ARHGAP35: variants seen among roughly 807,000 people sequenced by gnomAD.
The protein encoded by ARHGAP35 is Rho GTPase activating protein 35.
ARHGAP35 carries 15 observed loss-of-function variants against 111.1 expected under a neutral mutation model. The ratio of observed to expected loss-of-function variants is 0.13; its 90% CI spans 0.09 to 0.21. The LOEUF (loss-of-function observed/expected upper bound fraction) is 0.21. Among genes scored for constraint, ARHGAP35 ranks in the 10% least tolerant of loss-of-function variants. The pLI is 1.00. For synonymous variants in ARHGAP35, 643 were observed against 710.3 expected, an observed-to-expected ratio of 0.91 and a Z score of 1.51; for missense variants, 1,262 against 1,873.0, an observed-to-expected ratio of 0.67 and a Z score of 6.02.
rs77080634 is a variant in ARHGAP35, at chr19:46,945,647, A to T, written c.3826+8239A>T. ...ACACCTGCCCACCCGGGACGGTCTC[A>T]GCGTTCTGGAGACAGAATCCTAGTG... is the stretch of plus-strand genomic sequence containing the variant. On this transcript the variant is annotated intron_variant, in intron 3 of 6. Coordinates refer to ENST00000672722, the MANE Select transcript of ARHGAP35 (RefSeq NM_004491.5). This position sits in a 1 kb window ranked among gnomAD's most constrained non-coding sequence, Gnocchi z 4.1. Among the ~76,000 whole-genome samples the T allele has an allele frequency of 3.3e-5, 5 of 152,292 alleles. No homozygotes were observed. In the East Asian group the frequency reaches 9.7e-4, roughly 29 times the overall value.
chr19:46,942,997 T>G (rs904157401), intron 3 of ARHGAP35, among the ~76,000 whole-genome samples: 2 of 152,132 alleles, frequency 1.3e-5, no homozygotes, highest in African/African-American at 4.8e-5. Flanking sequence ...TTTAGGCCCT[T>G]GCCGTCCAGA....
intron 3 of ARHGAP35, among the ~76,000 whole-genome samples, chr19:46,938,777 C>T (rs539186914): frequency 1.4e-4 from 22 of 151,986 alleles, no homozygotes; most frequent in African/African-American, 5.1e-4. Context: ...CCTGCCTCAG[C>T]CTCCTGAGTA....
In ARHGAP35 at chr19:47,002,803, C is replaced by CT. The variant is rs1317458939; in HGVS notation, c.*2119dup. ...ACTGCTTGAGCTAACACTGCCACCT[C>CT]TTTTGTGTGAGCACAAAAGCCACGT... On this transcript the variant is annotated 3_prime_UTR_variant, in exon 7 of 7. Coordinates refer to ENST00000672722, the MANE Select transcript of ARHGAP35 (RefSeq NM_004491.5). The CT allele has an allele frequency of 6.6e-6, 1 of 152,312 alleles. No individual in the cohort carries two copies. The highest frequency in any genetic ancestry group is 1.5e-5 in the Non-Finnish European group (1 of 68,126). 9.4% of individuals were successfully genotyped at this position (152,312 alleles called of 1,614,324 possible).
chr19:46,881,756 G>T (rs2055963521), intron 1 of ARHGAP35, among the ~76,000 whole-genome samples: 1 of 152,196 alleles, frequency 6.6e-6, no homozygotes, highest in South Asian at 2.1e-4. Flanking sequence ...AGCCTGTCCT[G>T]TGGAGCTTTG....
At chr19:46,861,798 T>C (rs1487877526) in intron 1 of ARHGAP35, among the ~76,000 whole-genome samples, 1 of 152,020 alleles carries the variant, frequency 6.6e-6, no homozygotes, top group Non-Finnish European at 1.5e-5. Context: ...CTGGGAGCTG[T>C]CCCTTTAGGA....
In ARHGAP35 at chr19:46,937,544, C is replaced by T; in HGVS notation, c.3826+136C>T. 3 of 970,068 alleles carry T rather than the reference C, an allele frequency of 3.1e-6. No homozygotes were observed. The East Asian group carries it at 7.3e-5, about 24-fold the overall frequency. 60.1% of individuals were successfully genotyped at this position (970,068 alleles called of 1,614,324 possible). On this transcript the variant is annotated intron_variant, in intron 3 of 6. Coordinates refer to ENST00000672722, the MANE Select transcript of ARHGAP35 (RefSeq NM_004491.5). The stretch of plus-strand genomic sequence containing the variant: ...CTCTTGGAGAAGGAGCTGAGCAGTC[C>T]CAACAGTTGTCAGATGTGTAGATTC...
chr19:46,919,497 A>C lies in ARHGAP35; in HGVS notation c.822A>C (p.Lys274Asn). Residue 274 changes from lysine to asparagine, a missense_variant, in exon 2 of 7, where the codon AAA becomes AAC. Around this residue, in one of 8 missense-constraint regions of ARHGAP35, gnomAD observed 328 missense variants for 440.8 expected, o/e 0.74. Coordinates refer to ENST00000672722, the MANE Select transcript of ARHGAP35 (RefSeq NM_004491.5). The surrounding 1 kb of genome is among the most constrained non-coding windows in gnomAD (Gnocchi z 6.2). ...AGAGTCAGCAGATAGCTACAGCAAA[A>C]GACAAGTATGAGTGGCTGGTGAGTC... is the stretch of plus-strand genomic sequence containing the variant. ...KQQSQQIATA[K>N]DKYEWLVSRI... is the part of the protein sequence containing the mutation. The C allele has an allele frequency of 6.2e-7, 1 of 1,613,990 alleles. No homozygotes were observed. The highest frequency in any genetic ancestry group is 8.5e-7 in the Non-Finnish European group (1 of 1,179,892).
chr19:46,957,752 A>C (rs182339937), intron 3 of ARHGAP35, among the ~76,000 whole-genome samples: 1 of 152,316 alleles, frequency 6.6e-6, no homozygotes, highest in South Asian at 2.1e-4. Flanking sequence ...ATCAGAACAC[A>C]CCTGACTGTT....
At chr19:46,985,266 G>C (rs2056642958) in intron 3 of ARHGAP35, among the ~76,000 whole-genome samples, 1 of 152,214 alleles carries the variant, frequency 6.6e-6, no homozygotes, top group Admixed American at 6.5e-5. Flanking sequence ...GGTGAGCAGG[G>C]TCTCGACAGC....
At chr19:46,978,483 G>A (rs1006481763) in intron 3 of ARHGAP35, among the ~76,000 whole-genome samples, 7 of 151,294 alleles carry the variant, frequency 4.6e-5, no homozygotes, top group African/African-American at 1.7e-4. Flanking sequence ...GTGGGGGGTA[G>A]GATATGTGTG....
At position 46,870,131 on chromosome 19, in the gene ARHGAP35, A is replaced by G. The variant is rs186147558; in HGVS notation, c.-189+8922A>G. Among the ~76,000 whole-genome samples, 10 of 151,520 alleles carry G rather than the reference A, an allele frequency of 6.6e-5. No homozygotes were observed. In the East Asian group the frequency reaches 2.0e-3, roughly 30 times the overall value. On this transcript the variant is annotated intron_variant, in intron 1 of 6. Transcript: ENST00000672722. ...CTGGCTAATATTTTGTATTTTATTTAGTAGAGACGGGGTTTCACTGTGTTA... is the reference window on the plus strand; with the variant it reads ...CTGGCTAATATTTTGTATTTTATTTGGTAGAGACGGGGTTTCACTGTGTTA...
intron 2 of ARHGAP35, among the ~76,000 whole-genome samples, chr19:46,928,592 G>C (rs1264749019): frequency 1.3e-5 from 2 of 152,060 alleles, no homozygotes; most frequent in Admixed American, 6.6e-5. Flanking sequence ...TCTTCTCGGG[G>C]GGGTGGATCC....
At chr19:46,868,096 G>A (rs1327368092) in intron 1 of ARHGAP35, among the ~76,000 whole-genome samples, 2 of 152,168 alleles carry the variant, frequency 1.3e-5, no homozygotes, top group East Asian at 1.9e-4. Context: ...TCGAACTCCT[G>A]ACCTCAGGTG....
chr19:46,929,591 CTT>C (rs55818906), intron 2 of ARHGAP35, among the ~76,000 whole-genome samples: 43 of 93,056 alleles, frequency 4.6e-4, no homozygotes, highest in Non-Finnish European at 6.0e-4. Flanking sequence ...ACCTGTTACT[CTT>C]TTTTTTTTTT....
chr19:46,922,072 G>A lies in ARHGAP35; in HGVS notation c.3397G>A (p.Gly1133Ser), dbSNP rs774598318. Residue 1133 changes from glycine (G) to serine (S), a missense_variant, in exon 2 of 7, where the codon GGT (glycine) becomes AGT (serine). This residue lies in a region of ARHGAP35 where 579 missense variants were observed against 716.9 expected (regional missense o/e 0.81). Transcript: ENST00000672722. The surrounding 1 kb of genome is among the most constrained non-coding windows in gnomAD (Gnocchi z 4.0). ...NKAQSNGSGNGSDSEMDTSSL... is the reference protein window; with the variant it reads ...NKAQSNGSGNSSDSEMDTSSL... Reference sequence around the variant, plus strand: ...AGCCCAGTCCAACGGCAGCGGGAATGGTTCTGACAGTGAAATGGACACCAG... The same window carrying A: ...AGCCCAGTCCAACGGCAGCGGGAATAGTTCTGACAGTGAAATGGACACCAG... The A allele has an allele frequency of 1.9e-6, 3 of 1,613,932 alleles. No homozygotes were observed. The highest frequency in any genetic ancestry group is 1.7e-6 in the Non-Finnish European group (2 of 1,179,900).
rs2122192623 is a variant in ARHGAP35, at chr19:46,918,797, G to A, written c.122G>A (p.Arg41His). 6.2e-7 allele frequency: 1 copy of A among 1,613,992 alleles called. No individual in the cohort carries two copies. The highest frequency in any genetic ancestry group is 1.1e-5 in the South Asian group (1 of 91,074). Reference protein sequence around the residue: ...CGIGKSCLCNRFVRPSADEFH... With the variant: ...CGIGKSCLCNHFVRPSADEFH... ...ATTGGAAAGTCTTGTTTGTGCAACC[G>A]CTTCGTGCGCCCGAGTGCTGACGAG... The change falls in exon 2 of 7, where the codon CGC (arginine) becomes CAC (histidine). Residue 41 changes from arginine (R) to histidine (H), a missense_variant. Physicochemically the swap from Arg to His is conservative, Grantham distance 29. This residue lies in a region of ARHGAP35 where 125 missense variants were observed against 301.7 expected (regional missense o/e 0.41). Coordinates refer to ENST00000672722, the MANE Select transcript of ARHGAP35 (RefSeq NM_004491.5). The surrounding 1 kb of genome is among the most constrained non-coding windows in gnomAD (Gnocchi z 5.4).
chr19:46,968,169 G>A (rs1354270107), intron 3 of ARHGAP35, among the ~76,000 whole-genome samples: 1 of 152,194 alleles, frequency 6.6e-6, no homozygotes, highest in Non-Finnish European at 1.5e-5. Flanking sequence ...TGGTGGAAAC[G>A]TGGAATTGTA....
chr19:47,000,397 C>G lies in ARHGAP35; in HGVS notation c.4209C>G (p.Thr1403=). The change falls in exon 7 of 7, where the codon ACC becomes ACG. Residue 1403 remains threonine (T), a synonymous_variant. Coordinates refer to ENST00000672722, the MANE Select transcript of ARHGAP35 (RefSeq NM_004491.5). The surrounding 1 kb of genome is among the most constrained non-coding windows in gnomAD (Gnocchi z 6.9). The part of the protein sequence containing the change: ...SENLSICFWP[T]LMRPDFSTMD... ...ACCTCTCCATCTGCTTCTGGCCCAC[C>G]TTGATGAGACCTGATTTCAGCACTA... The G allele has an allele frequency of 1.9e-6, 3 of 1,613,916 alleles. No homozygotes were observed. Among genetic ancestry groups the G allele is most frequent in the Non-Finnish European group, 2.5e-6 (3 of 1,179,876 alleles).
At chr19:46,876,630 C>T (rs938660011) in intron 1 of ARHGAP35, among the ~76,000 whole-genome samples, 11 of 152,044 alleles carry the variant, frequency 7.2e-5, no homozygotes, top group African/African-American at 2.2e-4. Flanking sequence ...CTCGGCCTCC[C>T]AAAGTGCTGG....
Sources: gnomAD v4.1 joint callset for allele counts (sites outside exome capture counted in the v4.1 genomes callset) on GRCh38, gnomAD v4.1.1 for gene constraint, gnomAD v4.1.1 regional missense constraint, Gnocchi (gnomAD v3.1) non-coding constraint, MANE v1.5 for transcripts, NCBI Gene and HGNC (gene_info 2026-07-23, HGNC 2026-07-21) for gene names.